IFNGR1: variants seen among roughly 807,000 people sequenced by gnomAD.
IFNGR1 encodes AVP, type 2.
A neutral mutation model predicts 35.4 loss-of-function variants in IFNGR1; 23 were observed. That is an observed-to-expected ratio of 0.65 (90% CI 0.47 to 0.92). The LOEUF is 0.92. Ranked by LOEUF, IFNGR1 falls within the 40% of genes least tolerant of loss-of-function variation. The pLI is 0.00. For missense variants in IFNGR1, 533 were observed against 583.4 expected (o/e 0.91, Z 0.89); for synonymous variants, 199 against 209.5 (o/e 0.95, Z 0.43).
chr6:137,216,014 T>C (rs1779688601), intron 1 of IFNGR1, among the ~76,000 whole-genome samples: 1 of 152,226 alleles, frequency 6.6e-6, no homozygotes, highest in African/African-American at 2.4e-5. Flanking sequence ...GGTTTTCTTT[T>C]AGATAGAACC....
In IFNGR1 at chr6:137,204,408, T is replaced by C. The variant is rs1191465918; in HGVS notation, c.470A>G (p.Gln157Arg). The C allele has an allele frequency of 3.1e-6, 5 of 1,613,962 alleles. No homozygotes were observed. The East Asian group carries it at 1.1e-4, about 36-fold the overall frequency. Residue 157 changes from glutamine to arginine, a missense_variant, in exon 4 of 7, where the codon CAG becomes CGG. Physicochemically the swap from Gln to Arg is conservative, Grantham distance 43 (BLOSUM62 1). Transcript: ENST00000367739. ...AGTTTCGGGATCATAATCGACTTCCTGCTCGTCTCCATTTACAAAAACTGA... is the reference window on the plus strand; with the variant it reads ...AGTTTCGGGATCATAATCGACTTCCCGCTCGTCTCCATTTACAAAAACTGA... The part of the protein sequence containing the change: ...HPSVFVNGDE[Q>R]EVDYDPETTC...
At chr6:137,199,341 ATATAATT>A (rs1270479690) in intron 6 of IFNGR1, among the ~76,000 whole-genome samples, 97 of 130,478 alleles carry the variant, frequency 7.4e-4, no homozygotes, top group Middle Eastern at 3.7e-3. Context: ...AATATATAAT[ATATAATT>A]TATAATTTAT....
chr6:137,211,192 G>T (rs571490541), intron 1 of IFNGR1, among the ~76,000 whole-genome samples: 1 of 151,870 alleles, frequency 6.6e-6, no homozygotes, highest in Admixed American at 6.6e-5. Flanking sequence ...GCATCAGACA[G>T]CCTCCACAAC....
chr6:137,206,939 G>C (rs781363944), intron 2 of IFNGR1, 24 bp downstream of exon 2: 4 of 1,545,022 alleles, frequency 2.6e-6, no homozygotes. Context: ...GAATAAAAAG[G>C]ATAAATAAAA....
At chr6:137,215,997 C>T (rs887614231) in intron 1 of IFNGR1, among the ~76,000 whole-genome samples, 7 of 152,192 alleles carry the variant, frequency 4.6e-5, no homozygotes, top group Non-Finnish European at 8.8e-5. Flanking sequence ...CCACTGCCCC[C>T]AGCCTAGGTT....
At chr6:137,199,510 TTATAATATATTATATATA>T (rs1779205098) in intron 6 of IFNGR1, among the ~76,000 whole-genome samples, 1 of 4,474 alleles carries the variant, frequency 2.2e-4, no homozygotes, top group South Asian at 2.3e-3. Flanking sequence ...AATATATAAT[TTATAATATATTATATATA>T]ATATATAATA....
intron 1 of IFNGR1, chr6:137,218,983 C>G: frequency 3.5e-6 from 2 of 572,412 alleles, no homozygotes; most frequent in Non-Finnish European, 6.2e-6. Context: ...AAGTGGATTA[C>G]AAGAGTCGGA....
chr6:137,216,806 G>C (rs1057236617), intron 1 of IFNGR1, among the ~76,000 whole-genome samples: 2 of 152,200 alleles, frequency 1.3e-5, no homozygotes, highest in South Asian at 4.1e-4. Flanking sequence ...CTAATGAAAA[G>C]CAAGGCCGGG....
chr6:137,205,523 C>T (rs1779407896), intron 3 of IFNGR1, among the ~76,000 whole-genome samples: 1 of 152,156 alleles, frequency 6.6e-6, no homozygotes, highest in African/African-American at 2.4e-5. Context: ...AGGAACTCTG[C>T]AATTTTTTAA....
intron 6 of IFNGR1, among the ~76,000 whole-genome samples, chr6:137,199,017 G>A (rs1273588392): frequency 1.3e-5 from 2 of 152,000 alleles, no homozygotes; most frequent in Admixed American, 6.6e-5. Context: ...CCCTTAACCC[G>A]AATGGGCACA....
At chr6:137,199,528 A>ATATATATATATAATATATTATATT (rs1779209546) in intron 6 of IFNGR1, among the ~76,000 whole-genome samples, 1 of 36,898 alleles carries the variant, frequency 2.7e-5, no homozygotes, top group Non-Finnish European at 4.9e-5. Context: ...TATTATATAT[A>ATATATATATATAATATATTATATT]ATATATAATA....
In IFNGR1 at chr6:137,206,514, T is replaced by C. The variant is rs546424852; in HGVS notation, c.201-206A>G. 7 of 543,874 alleles carry C rather than the reference T, an allele frequency of 1.3e-5. No homozygotes were observed. The South Asian group carries it at 1.8e-4, about 14-fold the overall frequency. The allele number at this position is 543,874 out of a possible 1,614,324, so 33.7% of individuals were successfully genotyped here. ...ACTCTGTTACAGTAAAGAGGCTCAA[T>C]TCAAAATGTAAGACCTATGCAAGCC... On this transcript the variant is annotated intron_variant, in intron 2 of 6. Coordinates refer to ENST00000367739, the MANE Select transcript of IFNGR1 (RefSeq NM_000416.3).
chr6:137,199,499 A>ATTTATAATATATTATATAT (rs1779200301), intron 6 of IFNGR1, among the ~76,000 whole-genome samples: 3 of 21,936 alleles, frequency 1.4e-4, no homozygotes, highest in African/African-American at 2.0e-4. Context: ...ATATTATATA[A>ATTTATAATATATTATATAT]AATATATAAT....
At chr6:137,215,772 T>C (rs1179476400) in intron 1 of IFNGR1, among the ~76,000 whole-genome samples, 2 of 152,140 alleles carry the variant, frequency 1.3e-5, no homozygotes, top group Non-Finnish European at 2.9e-5. Flanking sequence ...AGTGCAGTGG[T>C]ACAATCATGG....
intron 1 of IFNGR1, among the ~76,000 whole-genome samples, chr6:137,212,683 T>C (rs913953572): frequency 6.6e-6 from 1 of 152,174 alleles, no homozygotes; most frequent in Non-Finnish European, 1.5e-5. Context: ...CAAAGTGCAT[T>C]TGTACTTAGG....
chr6:137,218,705 T>C (rs1186596411), intron 1 of IFNGR1: 4 of 350,668 alleles, frequency 1.1e-5, no homozygotes, highest in South Asian at 6.3e-5. Context: ...AGATCCGTTC[T>C]GAGAAATGGA....
intron 1 of IFNGR1, chr6:137,215,444 C>A (rs1779670830): frequency 3.0e-6 from 3 of 988,258 alleles, no homozygotes; most frequent in Admixed American, 5.8e-5. Flanking sequence ...TAAACAGATA[C>A]CTAGTATTCT....
chr6:137,213,891 A>G (rs1474232135), intron 1 of IFNGR1, among the ~76,000 whole-genome samples: 1 of 152,192 alleles, frequency 6.6e-6, no homozygotes, highest in African/African-American at 2.4e-5. Flanking sequence ...GGAGTTCATC[A>G]CCCATCTTAA....
At chr6:137,203,392 T>C (rs1035069767) in intron 5 of IFNGR1, 107 bp downstream of exon 5, 10 of 727,346 alleles carry the variant, frequency 1.4e-5, no homozygotes, top group Admixed American at 2.0e-5. Context: ...CAAATGAATA[T>C]TGTTAAAACA....
Sources: allele counts gnomAD v4.1 joint callset (sites outside exome capture counted in the v4.1 genomes callset), GRCh38; gene constraint gnomAD v4.1.1; transcripts MANE v1.5; gene names NCBI Gene and HGNC (gene_info 2026-07-23, HGNC 2026-07-21).